The following CREB3L2 variants were observed in gnomAD, a reference collection of about 807,000 sequenced individuals.
The protein encoded by CREB3L2 is cyclic AMP-responsive element-binding protein 3-like protein 2.
CREB3L2 carries 23 observed loss-of-function variants against 57.2 expected under a neutral mutation model. That is an observed-to-expected ratio of 0.40 (90% CI 0.29 to 0.57). The LOEUF (loss-of-function observed/expected upper bound fraction) is 0.57. Among genes scored for constraint, CREB3L2 ranks in the 20% least tolerant of loss-of-function variants. The pLI is 0.42. For missense variants in CREB3L2, 628 were observed against 634.7 expected, an observed-to-expected ratio of 0.99 and a Z score of 0.11; for synonymous variants, 268 against 265.1, an observed-to-expected ratio of 1.01 and a Z score of -0.11.
chr7:137,908,290 A>AG lies in CREB3L2; in HGVS notation c.729dup (p.Ser244LeufsTer14). ...AGGAGAGGGGAGCTGGAGAGGGCGG[A>AG]GGGGGCCCGGGGTGCAGCTCTGGAG... On this transcript the variant is annotated frameshift_variant, in exon 5 of 12. Transcript: ENST00000330387. LOFTEE classifies it high-confidence loss of function. The AG allele has an allele frequency of 7.9e-7, 1 of 1,258,724 alleles. No individual in the cohort carries two copies. Among genetic ancestry groups the AG allele is most frequent in the Non-Finnish European group, 1.0e-6 (1 of 992,868 alleles). The allele number at this position is 1,258,724 out of a possible 1,614,324, so 78.0% of individuals were successfully genotyped here.
chr7:137,957,053 G>A (rs745993625), intron 1 of CREB3L2, among the ~76,000 whole-genome samples: 2 of 150,760 alleles, frequency 1.3e-5, no homozygotes, highest in African/African-American at 2.4e-5. Context: ...TTTCTTCTTC[G>A]GCCTCTCCAC....
rs1799317384 is a variant in CREB3L2 at position 137,882,495 on chromosome 7, C to T, written c.1404G>A (p.Arg468=). Residue 468 remains arginine, a synonymous_variant, in exon 11 of 12, where the codon AGG becomes AGA. Coordinates refer to ENST00000330387, the MANE Select transcript of CREB3L2 (RefSeq NM_194071.4). ...SLLRVSGLES[R]PDVDLPHFII... ...TGAAATGGGGAAGATCCACATCCGG[C>T]CTGGACTCCAGCCCTGACACCCTGA... 2.5e-6 allele frequency: 4 copies of T among 1,614,074 alleles called. No homozygotes were observed. In the East Asian group the frequency reaches 8.9e-5, roughly 36 times the overall value.
At chr7:137,994,668 G>A (rs1033262471) in intron 1 of CREB3L2, among the ~76,000 whole-genome samples, 4 of 152,118 alleles carry the variant, frequency 2.6e-5, no homozygotes, top group East Asian at 1.9e-4. Flanking sequence ...TTGCTGGGCC[G>A]GACGTGATAG....
chr7:137,969,883 A>T (rs1275937876), intron 1 of CREB3L2, among the ~76,000 whole-genome samples: 1 of 152,108 alleles, frequency 6.6e-6, no homozygotes, highest in East Asian at 1.9e-4. Flanking sequence ...ATATGTCTTG[A>T]CTGTATTATT....
rs1308078525 is a variant in CREB3L2 at position 137,876,191 on chromosome 7, T to A, written c.*4285A>T. On this transcript the variant is annotated 3_prime_UTR_variant, in exon 12 of 12. Coordinates refer to ENST00000330387, the MANE Select transcript of CREB3L2 (RefSeq NM_194071.4). ...CCACTTTTGAGCCTTCAGAAAAAAA[T>A]TTTTCCCCACACCCAACTCAATCTA... 4.3e-6 allele frequency: 1 copy of A among 232,206 alleles called. No individual in the cohort carries two copies. The highest frequency in any genetic ancestry group is 8.5e-6 in the Non-Finnish European group (1 of 117,364). 14.4% of individuals were successfully genotyped at this position (232,206 alleles called of 1,614,324 possible).
intron 1 of CREB3L2, among the ~76,000 whole-genome samples, chr7:137,966,363 A>T (rs2117293091): frequency 6.6e-6 from 1 of 152,344 alleles, no homozygotes; most frequent in East Asian, 1.9e-4. Flanking sequence ...AAAGCAGGTT[A>T]AAAAAAGCAA....
At position 137,880,437 on chromosome 7, in the gene CREB3L2, G is replaced by C; in HGVS notation, c.*39C>G. On this transcript the variant is annotated 3_prime_UTR_variant, in exon 12 of 12. Transcript: ENST00000330387. The surrounding 1 kb of genome is among the most constrained non-coding windows in gnomAD (Gnocchi z 4.0). The stretch of plus-strand genomic sequence containing the variant: ...ACAAAGGTGGTTTGGGGATGTAAAA[G>C]TAGAGTTAAGGGAAAGGGAGGGGGT... 6.5e-7 allele frequency: 1 copy of C among 1,535,814 alleles called. No homozygotes were observed. The highest frequency in any genetic ancestry group is 9.0e-7 in the Non-Finnish European group (1 of 1,111,912).
At chr7:137,969,763 C>CACA (rs1353658334) in intron 1 of CREB3L2, among the ~76,000 whole-genome samples, 1 of 78,510 alleles carries the variant, frequency 1.3e-5, no homozygotes, top group South Asian at 3.7e-4. Context: ...GGTCATCAAA[C>CACA]ACACACACAC....
intron 7 of CREB3L2, 116 bp downstream of exon 7, chr7:137,903,843 C>G: frequency 1.2e-6 from 1 of 856,518 alleles, no homozygotes; most frequent in Non-Finnish European, 1.9e-6. Flanking sequence ...GATAAACCAC[C>G]GGGTTTCCAA....
At chr7:137,986,618 T>C (rs555185195) in intron 1 of CREB3L2, among the ~76,000 whole-genome samples, 3 of 152,352 alleles carry the variant, frequency 2.0e-5, no homozygotes, top group Admixed American at 6.5e-5. Context: ...TCCTACCAAC[T>C]GCCTTTTCCA....
intron 2 of CREB3L2, among the ~76,000 whole-genome samples, chr7:137,918,467 C>A (rs1376411899): frequency 6.6e-6 from 1 of 152,098 alleles, no homozygotes; most frequent in Non-Finnish European, 1.5e-5. Flanking sequence ...AGGTGTGAGC[C>A]ACCGTGAACA....
At chr7:137,918,380 G>A (rs747546299) in intron 2 of CREB3L2, among the ~76,000 whole-genome samples, 16 of 152,060 alleles carry the variant, frequency 1.1e-4, no homozygotes, top group African/African-American at 2.7e-4. Context: ...TAGTAGAGAC[G>A]GGGTTTTGTC....
intron 1 of CREB3L2, among the ~76,000 whole-genome samples, chr7:137,975,202 C>A (rs1209746768): frequency 1.3e-5 from 2 of 152,152 alleles, no homozygotes; most frequent in African/African-American, 4.8e-5. Context: ...TCAAACTCAA[C>A]AAGGCCATCA....
chr7:137,977,588 T>C (rs903930526), intron 1 of CREB3L2, among the ~76,000 whole-genome samples: 5 of 142,752 alleles, frequency 3.5e-5, no homozygotes, highest in South Asian at 4.3e-4. Context: ...TCTAGACAGA[T>C]AGATAACCAT....
chr7:137,930,602 C>A (rs565518728), intron 1 of CREB3L2, among the ~76,000 whole-genome samples: 1 of 152,292 alleles, frequency 6.6e-6, no homozygotes, highest in Non-Finnish European at 1.5e-5. Flanking sequence ...CAGGCTCAGT[C>A]CCTAAAGAGT....
intron 7 of CREB3L2, among the ~76,000 whole-genome samples, chr7:137,903,557 T>C (rs112491282): frequency 0.02 from 3,052 of 152,152 alleles, 85 homozygotes; most frequent in African/African-American, 0.071. Flanking sequence ...TCTTTCCCTA[T>C]GTGCCCTCTC....
chr7:137,922,390 ATATATATATATATATATATATATATG>A (rs1399823772), intron 2 of CREB3L2, among the ~76,000 whole-genome samples: 3 of 18,290 alleles, frequency 1.6e-4, no homozygotes, highest in African/African-American at 7.7e-4. Context: ...ATATGTATAT[ATATATATATATATATATATATATATG>A]TATATATATA....
chr7:137,988,410 T>C (rs1255968126), intron 1 of CREB3L2, among the ~76,000 whole-genome samples: 1 of 152,242 alleles, frequency 6.6e-6, no homozygotes, highest in Non-Finnish European at 1.5e-5. Context: ...CATATTCTTA[T>C]TACAAAGCCA....
Position 138,001,500 on chromosome 7 carries a change from T to TGCCCC in CREB3L2, c.102+99_102+103dup, listed in dbSNP as rs1434550760. ...GGACCTCTTGATTCTGACCATGCCC[T>TGCCCC]GCCCCAAACCCTGCCTTCCCGGGTC... is the stretch of plus-strand genomic sequence containing the variant. On this transcript the variant is annotated intron_variant, in intron 1 of 11. Coordinates refer to ENST00000330387, the MANE Select transcript of CREB3L2 (RefSeq NM_194071.4). The surrounding 1 kb of genome is among the most constrained non-coding windows in gnomAD (Gnocchi z 4.2). The TGCCCC allele has an allele frequency of 1.3e-6, 1 of 789,798 alleles. No homozygotes were observed. Among genetic ancestry groups the TGCCCC allele is most frequent in the Non-Finnish European group, 2.1e-6 (1 of 484,732 alleles). The allele number at this position is 789,798 out of a possible 1,614,324, so 48.9% of individuals were successfully genotyped here. A position where few individuals can be genotyped will look rare whatever the true frequency, so the allele number is the denominator to read the frequency against.
Sources: allele counts gnomAD v4.1 joint callset (sites outside exome capture counted in the v4.1 genomes callset), GRCh38; gene constraint gnomAD v4.1.1; non-coding constraint Gnocchi (gnomAD v3.1); transcripts MANE v1.5; gene names NCBI Gene and HGNC (gene_info 2026-07-23, HGNC 2026-07-21).